INTS10: variants seen among roughly 807,000 people sequenced by gnomAD.
INTS10 encodes the protein integrator complex subunit 10.
In INTS10, 44 loss-of-function variants were observed where a neutral mutation model predicts 94.4. The observed-to-expected ratio is 0.47, with a 90% CI of 0.37 to 0.60. INTS10 has a LOEUF of 0.60. Ranked by LOEUF, INTS10 falls within the 20% of genes least tolerant of loss-of-function variation. INTS10 has a pLI of 0.00. For missense variants in INTS10, 797 were observed against 868.7 expected, an observed-to-expected ratio of 0.92 and a Z score of 1.04; for synonymous variants, 341 against 320.7, an observed-to-expected ratio of 1.06 and a Z score of -0.68.
intron 10 of INTS10, 79 bp downstream of exon 10, chr8:19,830,638 C>A (rs561518835): frequency 1.5e-6 from 2 of 1,351,860 alleles, no homozygotes; most frequent in Non-Finnish European, 2.1e-6. Context: ...AGGTCACTTA[C>A]GGCAAATTAA....
chr8:19,843,527 G>A lies in INTS10; in HGVS notation c.1720-549G>A, dbSNP rs1336137669. ...CTCATCATCCATATCACTTTTTTAG[G>A]GCAACAAAAACAATTTAAAGTGTGA... On this transcript the variant is annotated intron_variant, in intron 14 of 16. Coordinates refer to ENST00000397977, the MANE Select transcript of INTS10 (RefSeq NM_018142.4). This position sits in a 1 kb window ranked among gnomAD's most constrained non-coding sequence, Gnocchi z 4.7. 6.6e-6 allele frequency among the ~76,000 whole-genome samples: 1 copy of A among 151,996 alleles called. No individual in the cohort carries two copies. Among genetic ancestry groups the A allele is most frequent in the Non-Finnish European group, 1.5e-5 (1 of 67,986 alleles).
chr8:19,833,223 T>C lies in INTS10; in HGVS notation c.1432T>C (p.Ser478Pro). The C allele has an allele frequency of 6.2e-7, 1 of 1,612,910 alleles. No individual in the cohort carries two copies. The highest frequency in any genetic ancestry group is 8.5e-7 in the Non-Finnish European group (1 of 1,179,436). The change falls in exon 12 of 17, where the codon TCC becomes CCC. Residue 478 changes from serine to proline, a missense_variant. Transcript: ENST00000397977. ...SLHHLAALQG[S>P]ISQPQITGQG... ...GCATCACTTAGCAGCTCTCCAGGGATCCATTTCTCAGCCACAGATCACAGG... is the reference window on the plus strand; with the variant it reads ...GCATCACTTAGCAGCTCTCCAGGGACCCATTTCTCAGCCACAGATCACAGG...
chr8:19,836,002 G>A (rs965138793), intron 12 of INTS10, among the ~76,000 whole-genome samples: 5 of 151,992 alleles, frequency 3.3e-5, no homozygotes, highest in African/African-American at 7.3e-5. Context: ...TCAGGGGGTC[G>A]GGGGCAAGGA....
intron 7 of INTS10, 83 bp from the exon 8 acceptor site, chr8:19,824,720 T>C (rs574912704): frequency 4.7e-5 from 41 of 866,254 alleles, no homozygotes; most frequent in Non-Finnish European, 6.7e-5. Flanking sequence ...GTACATGTAA[T>C]GGTACCACCA....
intron 16 of INTS10, among the ~76,000 whole-genome samples, chr8:19,847,988 G>GA (rs1286252407): frequency 1.3e-5 from 2 of 152,206 alleles, no homozygotes; most frequent in Non-Finnish European, 1.5e-5. Context: ...TTGGAAGCAG[G>GA]AATAGGGATT....
At chr8:19,838,414 A>G (rs2067846596) in intron 13 of INTS10, among the ~76,000 whole-genome samples, 1 of 152,154 alleles carries the variant, frequency 6.6e-6, no homozygotes, top group Admixed American at 6.5e-5. Flanking sequence ...AATAAATCAG[A>G]ATGTTCCCTT....
intron 16 of INTS10, among the ~76,000 whole-genome samples, chr8:19,847,310 T>G (rs778487938): frequency 6.6e-6 from 1 of 152,242 alleles, no homozygotes. Context: ...AGGACTGGCA[T>G]CTTCCAATCC....
intron 13 of INTS10, among the ~76,000 whole-genome samples, chr8:19,838,378 C>CAAGA (rs766607956): frequency 2.3e-4 from 35 of 151,852 alleles, no homozygotes; most frequent in Non-Finnish European, 2.9e-4. Context: ...TCAGAATGTT[C>CAAGA]AAGAAAGAAA....
chr8:19,817,604 T>C lies in INTS10; in HGVS notation c.67T>C (p.Trp23Arg), dbSNP rs867753487. The C allele has an allele frequency of 1.2e-6, 2 of 1,608,838 alleles. No homozygotes were observed. Among genetic ancestry groups the C allele is most frequent in the East Asian group, 2.2e-5 (1 of 44,716 alleles). ...CCGGGAGTTGGTGCCGCAAGACCTGTGGGCAGCCAAGGCGTGGCTGATCAC... is the reference window on the plus strand; with the variant it reads ...CCGGGAGTTGGTGCCGCAAGACCTGCGGGCAGCCAAGGCGTGGCTGATCAC... Reference protein sequence around the residue: ...RARELVPQDLWAAKAWLITAR... With the variant: ...RARELVPQDLRAAKAWLITAR... The change falls in exon 1 of 17, where the codon TGG (tryptophan) becomes CGG (arginine). Residue 23 changes from tryptophan (W) to arginine (R), a missense_variant. By Grantham distance (101) the Trp-to-Arg change is moderately radical. Transcript: ENST00000397977.
chr8:19,826,302 G>C lies in INTS10; in HGVS notation c.1007-124G>C, dbSNP rs2066785091. 3 of 939,488 alleles carry C rather than the reference G, an allele frequency of 3.2e-6. No individual in the cohort carries two copies. In the East Asian group the frequency reaches 8.2e-5, roughly 26 times the overall value. The allele number at this position is 939,488 out of a possible 1,614,324, so 58.2% of individuals were successfully genotyped here. On this transcript the variant is annotated intron_variant, in intron 8 of 16. Coordinates refer to ENST00000397977, the MANE Select transcript of INTS10 (RefSeq NM_018142.4). ...TCGCCATGTTGCCCAGGCTGGTTTT[G>C]AACTCCCGAGCTCAGGCAATCCTCC...
intron 5 of INTS10, 55 bp from the exon 6 acceptor site, chr8:19,823,246 G>A: frequency 7.2e-7 from 1 of 1,394,398 alleles, no homozygotes; most frequent in Non-Finnish European, 1.0e-6. Flanking sequence ...GTATTTATCG[G>A]AACTCTAGGG....
chr8:19,820,319 T>C, intron 3 of INTS10, 60 bp from the exon 4 acceptor site: 1 of 1,539,478 alleles, frequency 6.5e-7, no homozygotes, highest in Non-Finnish European at 8.9e-7. Context: ...TACTCAGCAC[T>C]GTTGCTGCAG....
In INTS10 at chr8:19,851,609, A is replaced by T; in HGVS notation, c.1977-40A>T. 2 of 1,604,718 alleles carry T rather than the reference A, an allele frequency of 1.2e-6. No individual in the cohort carries two copies. The highest frequency in any genetic ancestry group is 8.5e-7 in the Non-Finnish European group (1 of 1,171,852). On this transcript the variant is annotated intron_variant, in intron 16 of 16. Transcript: ENST00000397977. This position sits in a 1 kb window ranked among gnomAD's most constrained non-coding sequence, Gnocchi z 5.0. ...AGCAGCGATCAGCGATGCTGGTGCTAACCCCTGGTCTTTGTCTGTTTCCCT... is the reference window on the plus strand; with the variant it reads ...AGCAGCGATCAGCGATGCTGGTGCTTACCCCTGGTCTTTGTCTGTTTCCCT...
chr8:19,831,941 T>C (rs2067259605), intron 10 of INTS10, 87 bp from the exon 11 acceptor site: 1 of 799,568 alleles, frequency 1.3e-6, no homozygotes, highest in Non-Finnish European at 2.2e-6. Context: ...GTAGGTTGTC[T>C]CTCTTCTCTC....
intron 13 of INTS10, chr8:19,841,768 C>T (rs1198915417): frequency 2.2e-5 from 10 of 449,698 alleles, no homozygotes; most frequent in South Asian, 8.0e-5. Context: ...AAATGTACCT[C>T]GCGTCCTAGT....
chr8:19,820,093 A>G (rs541844977), intron 3 of INTS10, among the ~76,000 whole-genome samples: 2 of 152,382 alleles, frequency 1.3e-5, no homozygotes, highest in East Asian at 3.9e-4. Flanking sequence ...TTCAACAAGC[A>G]CATGCTCTCT....
chr8:19,844,037 T>TC (rs770159507), intron 14 of INTS10, 39 bp from the exon 15 acceptor site: 2 of 1,519,062 alleles, frequency 1.3e-6, no homozygotes, highest in Non-Finnish European at 1.8e-6. Flanking sequence ...CCCTGTGACT[T>TC]CCTTTTCCTT....
rs984496039 is a variant in INTS10 at position 19,846,445 on chromosome 8, C to A, written c.1976+648C>A. On this transcript the variant is annotated intron_variant, in intron 16 of 16. Transcript: ENST00000397977. The surrounding 1 kb of genome is among the most constrained non-coding windows in gnomAD (Gnocchi z 4.2). ...TGAAACTCCATCTCAAAAAAAAAAA[C>A]AAACAAACAAAACAGCTGTGCTTAA... Among the ~76,000 whole-genome samples, 879 of 144,214 alleles carry A rather than the reference C, an allele frequency of 6.1e-3. 8 individuals carry two copies. The highest frequency in any genetic ancestry group is 0.022 in the African/African-American group (829 of 37,936). The allele number at this position is 144,214 out of a possible 152,430, so 94.6% of individuals were successfully genotyped here.
intron 12 of INTS10, among the ~76,000 whole-genome samples, chr8:19,833,738 T>C (rs2128782651): frequency 6.6e-6 from 1 of 152,302 alleles, no homozygotes; most frequent in South Asian, 2.1e-4. Context: ...CCGGGTGTGG[T>C]GGCTCACACC....
Sources: gnomAD v4.1 joint callset for allele counts (sites outside exome capture counted in the v4.1 genomes callset) on GRCh38, gnomAD v4.1.1 for gene constraint, Gnocchi (gnomAD v3.1) non-coding constraint, MANE v1.5 for transcripts, NCBI Gene and HGNC (gene_info 2026-07-23, HGNC 2026-07-21) for gene names.